CSMD2: variants seen among roughly 807,000 people sequenced by gnomAD.
CSMD2 encodes CUB and Sushi multiple domains 2, also known as CUB and sushi domain-containing protein 2.
Under a neutral mutation model 398.5 loss-of-function variants are expected in CSMD2, and 130 were observed. The ratio of observed to expected loss-of-function variants is 0.33; its 90% CI spans 0.28 to 0.38. The LOEUF (loss-of-function observed/expected upper bound fraction) is 0.38, where lower values mean the gene tolerates loss of function less well. CSMD2 is among the 10% of genes least tolerant of loss of function. CSMD2 has a pLI of 1.00. For missense variants in CSMD2, 3,829 were observed against 4,764.9 expected (o/e 0.80, Z 5.78); for synonymous variants, 1,828 against 1,908.5 (o/e 0.96, Z 1.10).
chr1:33,711,929 A>G (rs1646004774), intron 21 of CSMD2, among the ~76,000 whole-genome samples: 1 of 152,136 alleles, frequency 6.6e-6, no homozygotes, highest in Admixed American at 6.5e-5. Flanking sequence ...AGGGGACAGG[A>G]GGGATAGAGG....
chr1:33,538,069 C>G (rs1655974293), intron 60 of CSMD2, among the ~76,000 whole-genome samples: 1 of 152,290 alleles, frequency 6.6e-6, no homozygotes, highest in African/African-American at 2.4e-5. Context: ...CGCTTATTGG[C>G]TACACAATTA....
At chr1:33,791,740 G>C (rs973535926) in intron 11 of CSMD2, among the ~76,000 whole-genome samples, 1 of 152,158 alleles carries the variant, frequency 6.6e-6, no homozygotes, top group Non-Finnish European at 1.5e-5. Context: ...CGTCTGCCTT[G>C]GCCTGCCAAA....
intron 48 of CSMD2, among the ~76,000 whole-genome samples, chr1:33,579,625 G>C (rs1218238728): frequency 6.6e-6 from 1 of 152,046 alleles, no homozygotes; most frequent in Non-Finnish European, 1.5e-5. Context: ...ACTGTGGCAA[G>C]TGGGACTTCA....
upstream of CSMD2, chr1:34,165,733 G>A (rs1300796654): frequency 3.7e-6 from 6 of 1,613,600 alleles, 2 homozygotes; most frequent in South Asian, 6.6e-5. Flanking sequence ...CGTTCCCCAA[G>A]TCTTGGCTCT....
At chr1:33,888,246 G>T (rs1641732848) in intron 5 of CSMD2, among the ~76,000 whole-genome samples, 1 of 152,018 alleles carries the variant, frequency 6.6e-6, no homozygotes. Context: ...TTTCTTTGGG[G>T]GAAATCTGAA....
chr1:33,796,016 C>T (rs1276299229), intron 10 of CSMD2, among the ~76,000 whole-genome samples: 1 of 152,194 alleles, frequency 6.6e-6, no homozygotes, highest in African/African-American at 2.4e-5. Flanking sequence ...CACAGATATT[C>T]AGCTCTATTG....
intron 29 of CSMD2, among the ~76,000 whole-genome samples, chr1:33,639,289 T>C (rs1212898268): frequency 1.3e-5 from 2 of 152,232 alleles, no homozygotes; most frequent in African/African-American, 4.8e-5. Flanking sequence ...GGAAGTCTGA[T>C]AAATGTCTAC....
At chr1:34,088,134 G>A (rs1658125857) in intron 2 of CSMD2, among the ~76,000 whole-genome samples, 1 of 152,206 alleles carries the variant, frequency 6.6e-6, no homozygotes, top group Non-Finnish European at 1.5e-5. Flanking sequence ...AAGCTTTGAG[G>A]TTAAGCATTT....
At chr1:33,749,696 A>C (rs1463650740) in intron 13 of CSMD2, among the ~76,000 whole-genome samples, 1 of 152,224 alleles carries the variant, frequency 6.6e-6, no homozygotes, top group Non-Finnish European at 1.5e-5. Context: ...GGAGGCTATA[A>C]TAACACTAAG....
In CSMD2 at chr1:33,707,691, GCGCGCACACACACA is replaced by G. The variant is rs1450427438; in HGVS notation, c.3576+1384_3576+1397del. On this transcript the variant is annotated intron_variant, in intron 22 of 70. Transcript: ENST00000373381. ...AACACGCACGCGTGCACACGCGCGC[GCGCGCACACACACA>G]CACACACACACACACACACACACAC... 8.8e-3 allele frequency among the ~76,000 whole-genome samples: 501 copies of G among 56,876 alleles called. 2 individuals are homozygous for G. Among genetic ancestry groups the G allele is most frequent in the African/African-American group, 0.012 (244 of 21,194 alleles). The allele number at this position is 56,876 out of a possible 152,430, so 37.3% of individuals were successfully genotyped here.
intron 2 of CSMD2, among the ~76,000 whole-genome samples, chr1:34,046,676 A>AAGAGATTAAGGCTGGCTTATTCCC (rs1652551886): frequency 1.3e-5 from 2 of 152,234 alleles, no homozygotes; most frequent in African/African-American, 2.4e-5. Context: ...AGGTTCACAA[A>AAGAGATTAAGGCTGGCTTATTCCC]AGAGATTAAG....
At chr1:33,698,729 C>G in intron 24 of CSMD2, 24 bp downstream of exon 24, 1 of 1,598,302 alleles carries the variant, frequency 6.3e-7, no homozygotes, top group South Asian at 1.1e-5. Flanking sequence ...CCAAGGGTTC[C>G]CTGCAGAGGA....
At chr1:33,746,932 C>T (rs1647463976) in intron 13 of CSMD2, among the ~76,000 whole-genome samples, 1 of 152,292 alleles carries the variant, frequency 6.6e-6, no homozygotes, top group East Asian at 1.9e-4. Context: ...AACAGAGAAA[C>T]ATACTGTGCT....
intron 12 of CSMD2, among the ~76,000 whole-genome samples, chr1:33,785,051 C>T (rs968539016): frequency 5.9e-5 from 9 of 152,232 alleles, no homozygotes; most frequent in Non-Finnish European, 1.3e-4. Context: ...TGTCTCTAAA[C>T]ACCCAGACTG....
At chr1:33,545,707 G>A (rs1195879837) in intron 57 of CSMD2, among the ~76,000 whole-genome samples, 5 of 152,178 alleles carry the variant, frequency 3.3e-5, no homozygotes, top group Admixed American at 6.5e-5. Context: ...GGCAGTGTCC[G>A]TCTTGGTCAC....
At chr1:34,055,779 A>G (rs956821732) in intron 2 of CSMD2, among the ~76,000 whole-genome samples, 5 of 152,190 alleles carry the variant, frequency 3.3e-5, no homozygotes, top group African/African-American at 1.2e-4. Context: ...TTACATAGGC[A>G]TGATTAATTA....
intron 43 of CSMD2, among the ~76,000 whole-genome samples, 160 bp from the exon 44 acceptor site, chr1:33,601,170 G>A (rs545694284): frequency 5.9e-5 from 9 of 152,150 alleles, no homozygotes; most frequent in Admixed American, 5.2e-4. Context: ...TCTCCCAACC[G>A]TTCCCAACTT....
intron 5 of CSMD2, among the ~76,000 whole-genome samples, chr1:33,858,757 A>G (rs193010149): frequency 0.01 from 1,564 of 152,276 alleles, 32 homozygotes; most frequent in Non-Finnish European, 9.5e-3. Flanking sequence ...GGACACATCC[A>G]TCCCTCAAAC....
At chr1:34,035,412 A>G (rs1018510313) in intron 2 of CSMD2, among the ~76,000 whole-genome samples, 2 of 152,166 alleles carry the variant, frequency 1.3e-5, no homozygotes, top group African/African-American at 2.4e-5. Context: ...ATAAAGAAAA[A>G]TGAAGATCAA....
Sources: allele counts gnomAD v4.1 joint callset (sites outside exome capture counted in the v4.1 genomes callset), GRCh38; gene constraint gnomAD v4.1.1; transcripts MANE v1.5; gene names NCBI Gene and HGNC (gene_info 2026-07-23, HGNC 2026-07-21).